Variants in HAPLN1 observed in about 807,000 individuals in gnomAD.
The protein encoded by HAPLN1 is Cartilage link protein.
HAPLN1 carries 13 observed loss-of-function variants against 36.5 expected under a neutral mutation model. That is an observed-to-expected ratio of 0.36 (90% CI 0.23 to 0.57). The LOEUF (loss-of-function observed/expected upper bound fraction) is 0.57. Ranked by LOEUF, HAPLN1 falls within the 20% of genes least tolerant of loss-of-function variation. HAPLN1 has a pLI of 0.83. For synonymous variants in HAPLN1, 202 were observed against 169.8 expected, an observed-to-expected ratio of 1.19 and a Z score of -1.48; for missense variants, 407 against 439.7, an observed-to-expected ratio of 0.93 and a Z score of 0.66.
At chr5:83,653,999 C>A (rs1750147123) in intron 2 of HAPLN1, among the ~76,000 whole-genome samples, 1 of 152,104 alleles carries the variant, frequency 6.6e-6, no homozygotes, top group South Asian at 2.1e-4. Flanking sequence ...CTGCCTTGGG[C>A]AGATAGGTGT....
chr5:83,649,312 G>GT (rs2112561970), intron 3 of HAPLN1, among the ~76,000 whole-genome samples: 1 of 152,034 alleles, frequency 6.6e-6, no homozygotes, highest in Admixed American at 6.5e-5. Flanking sequence ...GCTGTCGGTG[G>GT]TATCTGTTGT....
Position 83,641,458 on chromosome 5 carries a change from C to T in HAPLN1, c.*38G>A. 2.0e-6 allele frequency: 3 copies of T among 1,522,254 alleles called. No individual in the cohort carries two copies. In the South Asian group the frequency reaches 3.9e-5, roughly 20 times the overall value. The allele number at this position is 1,522,254 out of a possible 1,614,324, so 94.3% of individuals were successfully genotyped here. A position where few individuals can be genotyped will look rare whatever the true frequency, so the allele number is the denominator to read the frequency against. ...AAAAAAAAAACACCTTTCACATGTT[C>T]TTAATGACTTTAAAACTGATGCGCT... On this transcript the variant is annotated 3_prime_UTR_variant, in exon 5 of 5. Coordinates refer to ENST00000274341, the MANE Select transcript of HAPLN1 (RefSeq NM_001884.4).
At chr5:83,668,579 A>G (rs768967231) in intron 2 of HAPLN1, among the ~76,000 whole-genome samples, 1 of 152,278 alleles carries the variant, frequency 6.6e-6, no homozygotes, top group African/African-American at 2.4e-5. Flanking sequence ...ATGTTCATTA[A>G]GTGCACACAA....
At chr5:83,700,654 T>A (rs928487518) in intron 1 of HAPLN1, among the ~76,000 whole-genome samples, 1 of 152,014 alleles carries the variant, frequency 6.6e-6, no homozygotes, top group Non-Finnish European at 1.5e-5. Flanking sequence ...AACTTTTTTT[T>A]TTTTTTTTTA....
chr5:83,645,436 T>C (rs2112555449), intron 3 of HAPLN1, among the ~76,000 whole-genome samples: 1 of 151,018 alleles, frequency 6.6e-6, no homozygotes, highest in East Asian at 1.9e-4. Flanking sequence ...TCTTAAAACA[T>C]TGTGAGATTT....
At chr5:83,665,113 C>A (rs1300339028) in intron 2 of HAPLN1, among the ~76,000 whole-genome samples, 2 of 151,756 alleles carry the variant, frequency 1.3e-5, no homozygotes, top group Non-Finnish European at 2.9e-5. Flanking sequence ...CCATATAATA[C>A]TGGAGAAGAA....
At chr5:83,674,973 G>A (rs1486867619) in intron 1 of HAPLN1, among the ~76,000 whole-genome samples, 1 of 152,134 alleles carries the variant, frequency 6.6e-6, no homozygotes, top group Non-Finnish European at 1.5e-5. Context: ...TGGTAGATAA[G>A]CAAACAAATT....
chr5:83,718,237 C>A (rs1299641517), intron 1 of HAPLN1, among the ~76,000 whole-genome samples: 1 of 152,172 alleles, frequency 6.6e-6, no homozygotes, highest in Non-Finnish European at 1.5e-5. Context: ...TTTAGTTGTA[C>A]CTTAATTTTT....
intron 3 of HAPLN1, among the ~76,000 whole-genome samples, chr5:83,647,028 T>C (rs1749897345): frequency 6.6e-6 from 1 of 152,216 alleles, no homozygotes; most frequent in Non-Finnish European, 1.5e-5. Context: ...TTTTAATTTA[T>C]ACTAATTTTA....
chr5:83,671,351 A>C (rs1421218729), intron 2 of HAPLN1, among the ~76,000 whole-genome samples: 3 of 152,218 alleles, frequency 2.0e-5, no homozygotes, highest in Non-Finnish European at 2.9e-5. Context: ...AGTACCATTC[A>C]AGAATCTGAG....
Position 83,639,358 on chromosome 5 carries a change from A to T in HAPLN1, c.*2138T>A, listed in dbSNP as rs896986212. On this transcript the variant is annotated 3_prime_UTR_variant, in exon 5 of 5. Transcript: ENST00000274341. ...GCTAACAGTCACTCCAGAGATTTTG[A>T]TCAGCACCAATTCCTATAGTAGTAA... is the stretch of plus-strand genomic sequence containing the variant. The T allele has an allele frequency of 1.3e-4, 20 of 152,196 alleles. No individual in the cohort carries two copies. The highest frequency in any genetic ancestry group is 1.1e-3 in the Admixed American group (17 of 15,292). 9.4% of individuals were successfully genotyped at this position (152,196 alleles called of 1,614,324 possible). A position where few individuals can be genotyped will look rare whatever the true frequency, so the allele number is the denominator to read the frequency against.
In HAPLN1 at chr5:83,640,606, C is replaced by T. The variant is rs923320427; in HGVS notation, c.*890G>A. On this transcript the variant is annotated 3_prime_UTR_variant, in exon 5 of 5. Transcript: ENST00000274341. ...TTATAGGACAATAACATTTCATAGG[C>T]TAACAGAAAATCAAGCTGCTAAATT... is the stretch of plus-strand genomic sequence containing the variant. 1 of 152,098 alleles carries T rather than the reference C, an allele frequency of 6.6e-6. No individual in the cohort carries two copies. The highest frequency in any genetic ancestry group is 2.4e-5 in the African/African-American group (1 of 41,420). The allele number at this position is 152,098 out of a possible 1,614,324, so 9.4% of individuals were successfully genotyped here. A position where few individuals can be genotyped will look rare whatever the true frequency, so the allele number is the denominator to read the frequency against.
intron 2 of HAPLN1, among the ~76,000 whole-genome samples, chr5:83,657,189 G>A (rs866750235): frequency 4.0e-5 from 6 of 151,812 alleles, no homozygotes; most frequent in Admixed American, 6.6e-5. Flanking sequence ...ACTGCCTCCC[G>A]GGTTCAAGCC....
chr5:83,673,683 T>C, intron 1 of HAPLN1, 134 bp from the exon 2 acceptor site: 2 of 602,318 alleles, frequency 3.3e-6, no homozygotes, highest in Non-Finnish European at 5.8e-6. Context: ...TTCAGAAAGT[T>C]ACTGTAGCTG....
At chr5:83,665,180 A>G (rs1158729159) in intron 2 of HAPLN1, among the ~76,000 whole-genome samples, 1 of 151,418 alleles carries the variant, frequency 6.6e-6, no homozygotes, top group African/African-American at 2.4e-5. Context: ...AACCAAAAAG[A>G]AAAAAAAAGA....
At chr5:83,680,498 A>T (rs958123963) in intron 1 of HAPLN1, among the ~76,000 whole-genome samples, 1 of 152,120 alleles carries the variant, frequency 6.6e-6, no homozygotes, top group Non-Finnish European at 1.5e-5. Flanking sequence ...TCTACTAAAA[A>T]ATTTTTCAGT....
chr5:83,699,779 G>C (rs1751465997), intron 1 of HAPLN1, among the ~76,000 whole-genome samples: 1 of 152,140 alleles, frequency 6.6e-6, no homozygotes, highest in Non-Finnish European at 1.5e-5. Context: ...ATGTTCCATA[G>C]TTTCTGATAA....
At chr5:83,705,300 G>A (rs1360056711) in intron 1 of HAPLN1, among the ~76,000 whole-genome samples, 1 of 142,966 alleles carries the variant, frequency 7.0e-6, no homozygotes, top group Non-Finnish European at 1.5e-5. Context: ...TGAGGCAGGA[G>A]AACCACTTGA....
At chr5:83,655,961 C>T (rs17284594) in intron 2 of HAPLN1, among the ~76,000 whole-genome samples, 2,021 of 152,218 alleles carry the variant, frequency 0.013, 24 homozygotes, top group South Asian at 0.062. Context: ...ACACTTTTGC[C>T]TAGAGAAAGT....
Sources: gnomAD v4.1 joint callset for allele counts (sites outside exome capture counted in the v4.1 genomes callset) on GRCh38, gnomAD v4.1.1 for gene constraint, MANE v1.5 for transcripts, NCBI Gene and HGNC (gene_info 2026-07-23, HGNC 2026-07-21) for gene names.